Variants in GRM5 observed in about 807,000 individuals in gnomAD.
GRM5 encodes the protein metabotropic glutamate receptor 5.
In GRM5, 19 loss-of-function variants were observed where a neutral mutation model predicts 83.1. The ratio of observed to expected loss-of-function variants is 0.23; its 90% CI spans 0.16 to 0.34. The LOEUF (loss-of-function observed/expected upper bound fraction) is 0.34. Among genes scored for constraint, GRM5 ranks in the 10% least tolerant of loss-of-function variants. The pLI is 1.00. For missense variants in GRM5, 1,160 were observed against 1,588.3 expected (o/e 0.73, Z 4.58); for synonymous variants, 675 against 633.6 (o/e 1.07, Z -0.98).
rs763815567 is a variant in GRM5, at chr11:88,567,734, C to A, written c.1949G>T (p.Gly650Val). 6.2e-7 allele frequency: 1 copy of A among 1,614,022 alleles called. No homozygotes were observed. The highest frequency in any genetic ancestry group is 8.5e-7 in the Non-Finnish European group (1 of 1,179,954). The change falls in exon 8 of 10, where the codon GGC becomes GTC. Residue 650 changes from glycine to valine, a missense_variant. This residue lies in a region of GRM5 where 132 missense variants were observed against 245.5 expected (regional missense o/e 0.54). Transcript: ENST00000305447. The surrounding 1 kb of genome is among the most constrained non-coding windows in gnomAD (Gnocchi z 7.3). Reference sequence around the variant, plus strand: ...GCTCATGGCTGGGGAGAGACCAATGCCAATTCTCTGAAGGTAGCAGTAAAT... The same window carrying A: ...GCTCATGGCTGGGGAGAGACCAATGACAATTCTCTGAAGGTAGCAGTAAAT... ...KQIYCYLQRI[G>V]IGLSPAMSYS...
chr11:88,974,160 T>C (rs1364985470), intron 2 of GRM5, among the ~76,000 whole-genome samples: 1 of 152,144 alleles, frequency 6.6e-6, no homozygotes. Flanking sequence ...CAGTTGAACC[T>C]GTGTCTTTTT....
At chr11:88,810,792 G>T (rs1943576448) in intron 3 of GRM5, among the ~76,000 whole-genome samples, 1 of 152,086 alleles carries the variant, frequency 6.6e-6, no homozygotes, top group African/African-American at 2.4e-5. Flanking sequence ...GAATAAAAAA[G>T]AGTTTTGTTT....
At chr11:88,713,492 G>A (rs1941327438) in intron 3 of GRM5, among the ~76,000 whole-genome samples, 1 of 151,968 alleles carries the variant, frequency 6.6e-6, no homozygotes, top group Non-Finnish European at 1.5e-5. Context: ...TTATTATTAG[G>A]AAGGACACAC....
At chr11:88,535,421 A>G (rs1433589463) in intron 8 of GRM5, among the ~76,000 whole-genome samples, 1 of 152,208 alleles carries the variant, frequency 6.6e-6, no homozygotes, top group Non-Finnish European at 1.5e-5. Flanking sequence ...TGCTCCAACC[A>G]TATGGCAGGC....
chr11:88,808,969 G>T (rs1943542918), intron 3 of GRM5, among the ~76,000 whole-genome samples: 1 of 151,978 alleles, frequency 6.6e-6, no homozygotes, highest in Non-Finnish European at 1.5e-5. Flanking sequence ...GTATATCCAT[G>T]GGGAAGAATA....
At chr11:88,532,858 C>G (rs541981402) in intron 8 of GRM5, among the ~76,000 whole-genome samples, 4 of 152,076 alleles carry the variant, frequency 2.6e-5, no homozygotes, top group Non-Finnish European at 5.9e-5. Context: ...GAGGAAAGAA[C>G]AGACTTTTTT....
chr11:88,939,574 C>T (rs1019217243), intron 2 of GRM5, among the ~76,000 whole-genome samples: 2 of 151,734 alleles, frequency 1.3e-5, no homozygotes, highest in East Asian at 1.9e-4. Context: ...CGGATAACTC[C>T]ATGTACAGCA....
intron 2 of GRM5, among the ~76,000 whole-genome samples, chr11:89,039,917 A>T (rs1273424081): frequency 6.6e-6 from 1 of 152,146 alleles, no homozygotes; most frequent in Non-Finnish European, 1.5e-5. Context: ...CCTCTGCCAC[A>T]GTCTCCCAAG....
intron 2 of GRM5, among the ~76,000 whole-genome samples, chr11:89,009,643 T>C (rs1277771302): frequency 6.6e-6 from 1 of 151,862 alleles, no homozygotes; most frequent in Non-Finnish European, 1.5e-5. Flanking sequence ...ACGCCTGTAA[T>C]CCCAGCACTT....
At chr11:88,622,127 C>G (rs866768077) in intron 4 of GRM5, among the ~76,000 whole-genome samples, 1 of 152,066 alleles carries the variant, frequency 6.6e-6, no homozygotes, top group African/African-American at 2.4e-5. Context: ...TTTCTATAAG[C>G]CATTTTATTC....
chr11:89,039,871 G>A (rs149629012), intron 2 of GRM5, among the ~76,000 whole-genome samples: 4,698 of 152,222 alleles, frequency 0.031, 102 homozygotes, highest in Non-Finnish European at 0.047. Flanking sequence ...TGCAAACTTC[G>A]CTCACTTCAG....
intron 2 of GRM5, among the ~76,000 whole-genome samples, chr11:88,861,677 G>C (rs1944566015): frequency 1.3e-5 from 2 of 151,924 alleles, no homozygotes. Context: ...ATGTTGCCCA[G>C]GCTGGTCTTG....
At chr11:88,972,336 A>G (rs1565315168) in intron 2 of GRM5, among the ~76,000 whole-genome samples, 1 of 152,148 alleles carries the variant, frequency 6.6e-6, no homozygotes, top group South Asian at 2.1e-4. Context: ...CTCTTAGTCT[A>G]TAAGAGAGAG....
chr11:88,911,646 G>T (rs1945501244), intron 2 of GRM5, among the ~76,000 whole-genome samples: 1 of 152,098 alleles, frequency 6.6e-6, no homozygotes, highest in African/African-American at 2.4e-5. Flanking sequence ...GTTTGACTTT[G>T]AATATGTCAC....
At chr11:89,038,401 T>A (rs1591068562) in intron 2 of GRM5, among the ~76,000 whole-genome samples, 1 of 152,190 alleles carries the variant, frequency 6.6e-6, no homozygotes, top group East Asian at 1.9e-4. Flanking sequence ...TAAGGCTACA[T>A]TATTTAACAA....
At chr11:88,923,957 G>A (rs544267841) in intron 2 of GRM5, among the ~76,000 whole-genome samples, 26 of 150,952 alleles carry the variant, frequency 1.7e-4, no homozygotes, top group African/African-American at 5.1e-4. Context: ...AAAAATTAAA[G>A]GGAAAAATAA....
chr11:88,604,574 T>C, intron 5 of GRM5, 144 bp downstream of exon 5: 3 of 700,790 alleles, frequency 4.3e-6, no homozygotes, highest in South Asian at 1.9e-5. Context: ...CTTCTCTCTA[T>C]CTTTGCTCAT....
At chr11:88,557,165 T>C (rs181983165) in intron 8 of GRM5, among the ~76,000 whole-genome samples, 1 of 152,306 alleles carries the variant, frequency 6.6e-6, no homozygotes, top group East Asian at 1.9e-4. Flanking sequence ...GGCCTCTATG[T>C]GCTTCCGTTA....
chr11:88,532,397 T>C (rs1207352767), intron 8 of GRM5, among the ~76,000 whole-genome samples: 1 of 152,156 alleles, frequency 6.6e-6, no homozygotes, highest in Non-Finnish European at 1.5e-5. Context: ...AGTTATTGAA[T>C]GAGGGACATT....
Sources: allele counts gnomAD v4.1 joint callset (sites outside exome capture counted in the v4.1 genomes callset), GRCh38; gene constraint gnomAD v4.1.1; regional missense constraint gnomAD v4.1.1; non-coding constraint Gnocchi (gnomAD v3.1); transcripts MANE v1.5; gene names NCBI Gene and HGNC (gene_info 2026-07-23, HGNC 2026-07-21).